The following PUS10 variants were observed in gnomAD, a reference collection of about 807,000 sequenced individuals.
PUS10 encodes the protein tRNA pseudouridine synthase Pus10.
In PUS10, 59 loss-of-function variants were observed where a neutral mutation model predicts 75.0. The ratio of observed to expected loss-of-function variants is 0.79; its 90% CI spans 0.64 to 0.98. PUS10 has a LOEUF of 0.98. Among genes scored for constraint, PUS10 ranks in the 50% least tolerant of loss-of-function variants. The pLI is 0.00. For synonymous variants in PUS10, 219 were observed against 211.6 expected (o/e 1.03, Z -0.30); for missense variants, 650 against 614.4 (o/e 1.06, Z -0.61).
chr2:61,016,405 T>C (rs1679980503), intron 1 of PUS10, among the ~76,000 whole-genome samples: 2 of 152,284 alleles, frequency 1.3e-5, no homozygotes, highest in Non-Finnish European at 1.5e-5. Context: ...TTTGGTTTTT[T>C]CATCGTGAGA....
chr2:61,014,155 C>G (rs1451779202), intron 1 of PUS10, among the ~76,000 whole-genome samples: 1 of 152,132 alleles, frequency 6.6e-6, no homozygotes, highest in Non-Finnish European at 1.5e-5. Context: ...GGGCGGATCA[C>G]CTGACAACAG....
At chr2:60,953,339 A>G (rs529374940) in intron 14 of PUS10, among the ~76,000 whole-genome samples, 2 of 152,178 alleles carry the variant, frequency 1.3e-5, no homozygotes, top group African/African-American at 2.4e-5. Flanking sequence ...CATTAGTGTC[A>G]CTTCTCATTA....
chr2:60,952,704 G>A (rs1051161889), intron 15 of PUS10, among the ~76,000 whole-genome samples: 1 of 152,168 alleles, frequency 6.6e-6, no homozygotes, highest in Non-Finnish European at 1.5e-5. Flanking sequence ...AGCAGAAAGA[G>A]GTTAAGTAAC....
chr2:60,952,817 G>T (rs1195941033), intron 15 of PUS10, among the ~76,000 whole-genome samples, 180 bp downstream of exon 15: 1 of 152,190 alleles, frequency 6.6e-6, no homozygotes, highest in East Asian at 1.9e-4. Context: ...TGCCGCTCCA[G>T]GGGGTTAGAT....
chr2:60,976,003 C>T lies in PUS10; in HGVS notation c.469-4446G>A, dbSNP rs187336899. Among the ~76,000 whole-genome samples the T allele has an allele frequency of 2.9e-3, 448 of 152,310 alleles. 1 individual carries two copies. Among genetic ancestry groups the T allele is most frequent in the African/African-American group, 0.01 (418 of 41,560 alleles). On this transcript the variant is annotated intron_variant, in intron 4 of 17. Coordinates refer to ENST00000316752, the MANE Select transcript of PUS10 (RefSeq NM_144709.4). ...TCTGAAACTCCTGACCTTAAGTGAT[C>T]TGCCTACCTCGGCCTCTCAAAGTGC...
rs1674666226 is a variant in PUS10, at chr2:60,942,319, C to G, written c.*76G>C. 2.5e-6 allele frequency: 3 copies of G among 1,182,320 alleles called. No individual in the cohort carries two copies. The African/African-American group carries it at 4.5e-5, about 18-fold the overall frequency. 73.2% of individuals were successfully genotyped at this position (1,182,320 alleles called of 1,614,324 possible). A position where few individuals can be genotyped will look rare whatever the true frequency, so the allele number is the denominator to read the frequency against. On this transcript the variant is annotated 3_prime_UTR_variant, in exon 18 of 18. Transcript: ENST00000316752. ...AGACACCGTTATGGTGGGTAAACAG[C>G]CATTTTACGGCATGTGCTCCATGGA...
intron 4 of PUS10, among the ~76,000 whole-genome samples, chr2:60,990,728 T>C (rs1025722644): frequency 6.6e-6 from 1 of 152,186 alleles, no homozygotes; most frequent in Non-Finnish European, 1.5e-5. Flanking sequence ...TTTTTCATAA[T>C]CAATGTCCAA....
chr2:60,993,509 C>A (rs1417349541), intron 4 of PUS10, among the ~76,000 whole-genome samples: 1 of 151,536 alleles, frequency 6.6e-6, no homozygotes, highest in Non-Finnish European at 1.5e-5. Context: ...ATATGTATTA[C>A]ATTAAGAAAA....
At chr2:60,959,872 A>G (rs1377492814) in intron 11 of PUS10, among the ~76,000 whole-genome samples, 2 of 152,088 alleles carry the variant, frequency 1.3e-5, no homozygotes, top group Non-Finnish European at 2.9e-5. Flanking sequence ...AAATCTATTC[A>G]TGAATGTCAG....
intron 5 of PUS10, among the ~76,000 whole-genome samples, chr2:60,970,444 C>T (rs1196790180): frequency 6.6e-6 from 1 of 152,144 alleles, no homozygotes; most frequent in African/African-American, 2.4e-5. Flanking sequence ...TGCCAACAGT[C>T]ATATGGCCCT....
intron 8 of PUS10, among the ~76,000 whole-genome samples, chr2:60,964,592 G>A (rs1676225879): frequency 6.6e-6 from 1 of 152,136 alleles, no homozygotes; most frequent in African/African-American, 2.4e-5. Context: ...GCCAGAAAGA[G>A]GACATGTTAA....
chr2:60,973,348 G>C (rs922975077), intron 4 of PUS10, among the ~76,000 whole-genome samples: 1 of 152,240 alleles, frequency 6.6e-6, no homozygotes, highest in African/African-American at 2.4e-5. Flanking sequence ...GCACTTTCAG[G>C]GACCCGGGAA....
intron 2 of PUS10, chr2:61,010,434 C>G (rs1425418917): frequency 5.1e-6 from 1 of 195,614 alleles, no homozygotes; most frequent in East Asian, 1.2e-4. Flanking sequence ...TCAAGCAATT[C>G]TCCTGCCTCA....
chr2:61,018,126 G>C lies in PUS10; in HGVS notation c.-134C>G. 6.5e-7 allele frequency: 1 copy of C among 1,548,462 alleles called. No individual in the cohort carries two copies. The highest frequency in any genetic ancestry group is 8.7e-7 in the Non-Finnish European group (1 of 1,145,974). ...TCTGTGCTTGAAAGAAAGGGGGGCG[G>C]CTTCCTACCTACCGCTTCTGTTTTC... On this transcript the variant is annotated 5_prime_UTR_variant, in exon 1 of 18. Coordinates refer to ENST00000316752, the MANE Select transcript of PUS10 (RefSeq NM_144709.4).
intron 4 of PUS10, among the ~76,000 whole-genome samples, chr2:60,994,938 A>C (rs547216006): frequency 7.2e-5 from 11 of 152,286 alleles, no homozygotes; most frequent in African/African-American, 2.6e-4. Flanking sequence ...AAAATACAAA[A>C]AATCAGCCGG....
At chr2:61,015,158 G>C (rs1369445147) in intron 1 of PUS10, among the ~76,000 whole-genome samples, 1 of 152,150 alleles carries the variant, frequency 6.6e-6, no homozygotes, top group African/African-American at 2.4e-5. Context: ...TTGGGCTCCA[G>C]GGTATTTTCA....
Position 60,949,927 on chromosome 2 carries a change from T to C in PUS10, c.1309-1742A>G, listed in dbSNP as rs370677150. On this transcript the variant is annotated intron_variant, in intron 15 of 17. Coordinates refer to ENST00000316752, the MANE Select transcript of PUS10 (RefSeq NM_144709.4). The stretch of plus-strand genomic sequence containing the variant: ...GCCACTGCCCCTGGCCTCAGCATTG[T>C]TTCTGAATTATCTCTATGGCTACCC... 6.6e-5 allele frequency among the ~76,000 whole-genome samples: 10 copies of C among 152,332 alleles called. 1 individual carries two copies. The highest frequency in any genetic ancestry group is 2.2e-4 in the African/African-American group (9 of 41,582).
chr2:60,953,860 T>C (rs1009955799), intron 14 of PUS10, 73 bp downstream of exon 14: 84 of 1,111,272 alleles, frequency 7.6e-5, no homozygotes, highest in Non-Finnish European at 1.1e-4. Context: ...CTGGATGCAA[T>C]TCCCTTATCA....
rs1333745729 is a variant in PUS10, at chr2:60,954,062, C to G, written c.1134+20G>C. ...AGAATTGCAGAAACATGACGATTTC[C>G]ATGGCATGAAGTGGTTTACCTGCTG... On this transcript the variant is annotated intron_variant, in intron 13 of 17. Transcript: ENST00000316752. 6.2e-7 allele frequency: 1 copy of G among 1,612,596 alleles called. No homozygotes were observed. Among genetic ancestry groups the G allele is most frequent in the Non-Finnish European group, 8.5e-7 (1 of 1,178,728 alleles).
Sources: allele counts gnomAD v4.1 joint callset (sites outside exome capture counted in the v4.1 genomes callset), GRCh38; gene constraint gnomAD v4.1.1; transcripts MANE v1.5; gene names NCBI Gene and HGNC (gene_info 2026-07-23, HGNC 2026-07-21).